The following ELOVL2 variants were observed in gnomAD, a reference collection of about 807,000 sequenced individuals.
ELOVL2 encodes the protein ELOVL fatty acid elongase 2, also known as very long chain fatty acid elongase 2.
In ELOVL2, 38 loss-of-function variants were observed where a neutral mutation model predicts 37.7. That is an observed-to-expected ratio of 1.01 (90% CI 0.78 to 1.32). The LOEUF is 1.32. ELOVL2 is among the 40% of genes most tolerant of loss of function. ELOVL2 has a pLI of 0.00. For synonymous variants in ELOVL2, 115 were observed against 122.3 expected (o/e 0.94, Z 0.40); for missense variants, 352 against 363.6 (o/e 0.97, Z 0.26).
At chr6:10,994,446 C>T (rs1005579178) in intron 5 of ELOVL2, among the ~76,000 whole-genome samples, 2 of 128,850 alleles carry the variant, frequency 1.6e-5, no homozygotes, top group Admixed American at 8.7e-5. Context: ...CCAGCCTGGG[C>T]AACAAGAGTG....
chr6:11,036,499 T>C (rs1288732088), intron 1 of ELOVL2, among the ~76,000 whole-genome samples: 1 of 152,118 alleles, frequency 6.6e-6, no homozygotes, highest in East Asian at 1.9e-4. Flanking sequence ...GCTCTGGAGA[T>C]TGAGATGTGA....
chr6:11,035,405 A>G (rs1782992203), intron 1 of ELOVL2, among the ~76,000 whole-genome samples: 1 of 152,220 alleles, frequency 6.6e-6, no homozygotes, highest in Admixed American at 6.5e-5. Context: ...AGGAATGTGC[A>G]TTTAAATATA....
At chr6:10,995,236 C>A in intron 4 of ELOVL2, 58 bp from the exon 5 acceptor site, 3 of 1,325,240 alleles carry the variant, frequency 2.3e-6, no homozygotes, top group South Asian at 1.5e-5. Context: ...CCTGGTGCTG[C>A]CCCACTGCTC....
chr6:10,988,914 A>T (rs1180415691), intron 7 of ELOVL2, among the ~76,000 whole-genome samples: 1 of 152,218 alleles, frequency 6.6e-6, no homozygotes, highest in Non-Finnish European at 1.5e-5. Flanking sequence ...CGGCCTTTCC[A>T]TCCTGGTTCC....
Position 11,000,089 on chromosome 6 carries a change from G to C in ELOVL2, c.331C>G (p.Arg111Gly). ...TTGATTTGCTTCTAGTGGCTCACCCGGATGTCAGCTTCCCCTGCGCTGGTA... is the reference window on the plus strand; with the variant it reads ...TTGATTTGCTTCTAGTGGCTCACCCCGATGTCAGCTTCCCCTGCGCTGGTA... ...DLTSAGEADIRVAKVLWWYYF... is the reference protein window; with the variant it reads ...DLTSAGEADIGVAKVLWWYYF... The change falls in exon 4 of 8, where the codon CGG becomes GGG. Residue 111 changes from arginine to glycine, a missense_variant and splice_region_variant. Transcript: ENST00000354666. The C allele has an allele frequency of 3.1e-6, 5 of 1,613,928 alleles. No individual in the cohort carries two copies. The highest frequency in any genetic ancestry group is 3.4e-6 in the Non-Finnish European group (4 of 1,179,848).
intron 5 of ELOVL2, among the ~76,000 whole-genome samples, chr6:10,991,555 T>G (rs1782159531): frequency 6.6e-6 from 1 of 152,234 alleles, no homozygotes; most frequent in Non-Finnish European, 1.5e-5. Flanking sequence ...TGCTGGCTAA[T>G]AAATCAATTT....
rs1781972890 is a variant in ELOVL2, at chr6:10,983,179, A to G, written c.*602T>C. The G allele has an allele frequency of 6.6e-6, 1 of 152,144 alleles. No individual in the cohort carries two copies. Among genetic ancestry groups the G allele is most frequent in the Non-Finnish European group, 1.5e-5 (1 of 68,032 alleles). 9.4% of individuals were successfully genotyped at this position (152,144 alleles called of 1,614,324 possible). On this transcript the variant is annotated 3_prime_UTR_variant, in exon 8 of 8. Transcript: ENST00000354666. ...TAAATACCAATTTCATTACCATATC[A>G]CTAAATTTAGAATCAGGAGTGGTTG... is the stretch of plus-strand genomic sequence containing the variant.
chr6:11,040,218 G>C (rs1783078624), intron 1 of ELOVL2, among the ~76,000 whole-genome samples: 1 of 152,160 alleles, frequency 6.6e-6, no homozygotes, highest in South Asian at 2.1e-4. Context: ...TGAAAGATGA[G>C]TAGCTTTCTT....
intron 5 of ELOVL2, among the ~76,000 whole-genome samples, chr6:10,992,089 T>C (rs1376893578): frequency 6.6e-6 from 1 of 152,200 alleles, no homozygotes; most frequent in African/African-American, 2.4e-5. Context: ...TCCTCTAATA[T>C]TGATTATAGT....
At chr6:11,042,681 G>A (rs1294624771) in intron 1 of ELOVL2, among the ~76,000 whole-genome samples, 1 of 151,880 alleles carries the variant, frequency 6.6e-6, no homozygotes, top group Non-Finnish European at 1.5e-5. Flanking sequence ...TAGCCGCCTA[G>A]ACTCGTCATT....
chr6:10,985,569 T>G (rs963549662), intron 7 of ELOVL2, among the ~76,000 whole-genome samples: 28 of 151,628 alleles, frequency 1.8e-4, no homozygotes, highest in Non-Finnish European at 7.4e-5. Flanking sequence ...TACATATGGC[T>G]AGCCAGTTTT....
intron 1 of ELOVL2, among the ~76,000 whole-genome samples, chr6:11,017,592 A>G (rs1570069): frequency 0.54 from 82,746 of 152,022 alleles, 23,680 homozygotes; most frequent in East Asian, 0.9. Context: ...TCCACTTCCC[A>G]CACATGGCTC....
At chr6:11,031,459 G>A (rs1048497965) in intron 1 of ELOVL2, among the ~76,000 whole-genome samples, 10 of 152,120 alleles carry the variant, frequency 6.6e-5, no homozygotes, top group African/African-American at 1.4e-4. Flanking sequence ...CTGAAGTTGC[G>A]TATGTCTTTA....
chr6:11,000,038 T>G, intron 4 of ELOVL2, 49 bp downstream of exon 4: 1 of 1,555,850 alleles, frequency 6.4e-7, no homozygotes, highest in Non-Finnish European at 8.9e-7. Flanking sequence ...CTCCTCTCCT[T>G]GTCAATGGGA....
intron 6 of ELOVL2, 118 bp from the exon 7 acceptor site, chr6:10,989,955 C>T (rs777855267): frequency 7.6e-6 from 9 of 1,187,564 alleles, no homozygotes; most frequent in Non-Finnish European, 1.0e-5. Flanking sequence ...TATGTAGGAA[C>T]AAAACAAAGC....
At chr6:10,999,516 C>T (rs772698542) in intron 4 of ELOVL2, among the ~76,000 whole-genome samples, 9 of 151,982 alleles carry the variant, frequency 5.9e-5, no homozygotes, top group African/African-American at 9.7e-5. Context: ...GCTGGGACTA[C>T]AGGTGCCCAC....
At chr6:11,022,377 G>A (rs1478251039) in intron 1 of ELOVL2, among the ~76,000 whole-genome samples, 2 of 152,174 alleles carry the variant, frequency 1.3e-5, no homozygotes, top group African/African-American at 2.4e-5. Context: ...CAGTGGATAT[G>A]GGGGTCTTAC....
intron 1 of ELOVL2, among the ~76,000 whole-genome samples, chr6:11,031,053 T>C (rs1782923231): frequency 1.3e-5 from 2 of 152,230 alleles, no homozygotes; most frequent in Non-Finnish European, 2.9e-5. Flanking sequence ...ACACTTATCT[T>C]TCTGCAGCTT....
intron 1 of ELOVL2, among the ~76,000 whole-genome samples, chr6:11,017,446 T>TC (rs1773238816): frequency 6.6e-6 from 1 of 152,178 alleles, no homozygotes; most frequent in Non-Finnish European, 1.5e-5. Context: ...TGCTGTGGTA[T>TC]CTCAGGATAC....
Sources: gnomAD v4.1 joint callset for allele counts (sites outside exome capture counted in the v4.1 genomes callset) on GRCh38, gnomAD v4.1.1 for gene constraint, MANE v1.5 for transcripts, NCBI Gene and HGNC (gene_info 2026-07-23, HGNC 2026-07-21) for gene names.